CAMTA1: variants seen among roughly 807,000 people sequenced by gnomAD.
CAMTA1 encodes calmodulin-binding transcription activator 1.
Under a neutral mutation model 170.9 loss-of-function variants are expected in CAMTA1, and 27 were observed. That is an observed-to-expected ratio of 0.16 (90% CI 0.12 to 0.22). The LOEUF is 0.22. Among genes scored for constraint, CAMTA1 ranks in the 10% least tolerant of loss-of-function variants. CAMTA1 has a pLI of 1.00. For synonymous variants in CAMTA1, 833 were observed against 891.5 expected (o/e 0.93, Z 1.17); for missense variants, 1,619 against 2,217.2 (o/e 0.73, Z 5.42).
At chr1:6,940,972 G>A (rs1571902963) in intron 3 of CAMTA1, among the ~76,000 whole-genome samples, 2 of 2,960 alleles carry the variant, frequency 6.8e-4, no homozygotes, top group East Asian at 0.013. Context: ...CAAGGTGGGG[G>A]GATCCTTGCA....
intron 3 of CAMTA1, among the ~76,000 whole-genome samples, chr1:7,079,416 G>T (rs1006277987): frequency 2.0e-5 from 3 of 152,038 alleles, no homozygotes; most frequent in Non-Finnish European, 2.9e-5. Context: ...TAAATACAAA[G>T]AAACCACAGA....
chr1:7,240,511 C>T (rs1664669024), intron 4 of CAMTA1, among the ~76,000 whole-genome samples: 1 of 149,578 alleles, frequency 6.7e-6, no homozygotes, highest in East Asian at 1.9e-4. Context: ...CAAGTTGGTT[C>T]CAGAGTCTTT....
At chr1:7,125,299 C>T (rs1644867500) in intron 4 of CAMTA1, among the ~76,000 whole-genome samples, 1 of 152,152 alleles carries the variant, frequency 6.6e-6, no homozygotes, top group African/African-American at 2.4e-5. Flanking sequence ...TTCATTCATT[C>T]ATTCACTCAC....
intron 5 of CAMTA1, among the ~76,000 whole-genome samples, chr1:7,271,866 A>G (rs957521729): frequency 3.9e-5 from 6 of 152,192 alleles, no homozygotes; most frequent in African/African-American, 1.4e-4. Flanking sequence ...TAGATAACTT[A>G]GATGAACAAA....
chr1:6,802,771 G>C (rs1644028960), intron 1 of CAMTA1, among the ~76,000 whole-genome samples: 1 of 150,954 alleles, frequency 6.6e-6, no homozygotes, highest in South Asian at 2.1e-4. Flanking sequence ...GTCTTATTCT[G>C]TCGCCCAGGC....
intron 6 of CAMTA1, among the ~76,000 whole-genome samples, chr1:7,622,239 G>A (rs1301497542): frequency 2.0e-5 from 3 of 152,208 alleles, no homozygotes. Context: ...TCCTCAGGTA[G>A]ATGGGAGGAT....
chr1:6,927,150 G>C (rs1326442564), intron 3 of CAMTA1, among the ~76,000 whole-genome samples: 1 of 151,336 alleles, frequency 6.6e-6, no homozygotes, highest in Non-Finnish European at 1.5e-5. Context: ...TCAGCCTCCC[G>C]AGTAGCTAGG....
At chr1:6,828,377 C>T (rs1243864051) in intron 3 of CAMTA1, among the ~76,000 whole-genome samples, 6 of 148,526 alleles carry the variant, frequency 4.0e-5, no homozygotes, top group East Asian at 2.0e-4. Context: ...CTGCAACCTC[C>T]GCCTCCCGGG....
rs2149098079 is a variant in CAMTA1 at position 7,216,141 on chromosome 1, A to G, written c.303-33350A>G. On this transcript the variant is annotated intron_variant, in intron 4 of 22. Transcript: ENST00000303635. This position sits in a 1 kb window ranked among gnomAD's most constrained non-coding sequence, Gnocchi z 4.0. Reference sequence around the variant, plus strand: ...AAGCCCGCGTGTCCTGCGTGGCTGGAGCAGGAGGAAGAGGGTGAAGGGGGA... The same window carrying G: ...AAGCCCGCGTGTCCTGCGTGGCTGGGGCAGGAGGAAGAGGGTGAAGGGGGA... Among the ~76,000 whole-genome samples the G allele has an allele frequency of 6.6e-6, 1 of 152,272 alleles. No individual in the cohort carries two copies. The highest frequency in any genetic ancestry group is 1.5e-5 in the Non-Finnish European group (1 of 68,002).
At chr1:7,546,469 T>C (rs2094694729) in intron 6 of CAMTA1, among the ~76,000 whole-genome samples, 1 of 152,234 alleles carries the variant, frequency 6.6e-6, no homozygotes, top group Non-Finnish European at 1.5e-5. Context: ...AACATACACA[T>C]GCATGTATCT....
At chr1:6,947,345 G>A (rs139446863) in intron 3 of CAMTA1, among the ~76,000 whole-genome samples, 1 of 152,114 alleles carries the variant, frequency 6.6e-6, no homozygotes, top group Non-Finnish European at 1.5e-5. Flanking sequence ...GGAAAACATG[G>A]GGTGTGTTTC....
intron 3 of CAMTA1, among the ~76,000 whole-genome samples, chr1:7,077,371 C>T (rs1021103289): frequency 3.9e-5 from 6 of 151,950 alleles, no homozygotes; most frequent in Non-Finnish European, 5.9e-5. Context: ...TTTTGTAACT[C>T]GTGGAAAGTG....
At chr1:7,116,029 T>C (rs751449460) in intron 4 of CAMTA1, among the ~76,000 whole-genome samples, 1 of 152,190 alleles carries the variant, frequency 6.6e-6, no homozygotes, top group Non-Finnish European at 1.5e-5. Flanking sequence ...CCCAGTTAGA[T>C]TGACACATAA....
chr1:7,000,979 C>T lies in CAMTA1; in HGVS notation c.235-90325C>T, dbSNP rs115956609. Among the ~76,000 whole-genome samples the T allele has an allele frequency of 6.3e-3, 957 of 152,264 alleles. 6 individuals are homozygous for T. Among genetic ancestry groups the T allele is most frequent in the African/African-American group, 0.021 (891 of 41,540 alleles). On this transcript the variant is annotated intron_variant, in intron 3 of 22. Coordinates refer to ENST00000303635, the MANE Select transcript of CAMTA1 (RefSeq NM_015215.4). ...TCATTTAAGAAACCCAGTTCCCACA[C>T]CGATAGGAAAAACCCTACCCTTTCT...
At chr1:7,715,463 C>T (rs2096602532) in intron 11 of CAMTA1, among the ~76,000 whole-genome samples, 1 of 148,394 alleles carries the variant, frequency 6.7e-6, no homozygotes, top group Non-Finnish European at 1.5e-5. Flanking sequence ...GGCACGGTCT[C>T]TCTCTCTGAG....
chr1:7,103,559 A>ATGTACACAC (rs1643063013), intron 4 of CAMTA1, among the ~76,000 whole-genome samples: 4 of 29,770 alleles, frequency 1.3e-4, no homozygotes, highest in South Asian at 6.3e-4. Context: ...CACTACACAC[A>ATGTACACAC]TACACACAAC....
At chr1:7,670,479 T>G (rs2096049742) in intron 9 of CAMTA1, among the ~76,000 whole-genome samples, 2 of 152,160 alleles carry the variant, frequency 1.3e-5, no homozygotes, top group Admixed American at 1.3e-4. Flanking sequence ...AGGCCTGTTT[T>G]CAAAACTTGG....
chr1:7,131,688 A>G (rs1258925779), intron 4 of CAMTA1, among the ~76,000 whole-genome samples: 2 of 151,966 alleles, frequency 1.3e-5, no homozygotes, highest in South Asian at 2.1e-4. Context: ...ATTTTTCCGT[A>G]TGTCTCTACT....
intron 6 of CAMTA1, among the ~76,000 whole-genome samples, chr1:7,535,914 C>G (rs963085856): frequency 6.6e-6 from 1 of 152,216 alleles, no homozygotes; most frequent in Non-Finnish European, 1.5e-5. Flanking sequence ...GAGCTCCGGT[C>G]TTTTTGCTGT....
Sources: gnomAD v4.1 joint callset for allele counts (sites outside exome capture counted in the v4.1 genomes callset) on GRCh38, gnomAD v4.1.1 for gene constraint, Gnocchi (gnomAD v3.1) non-coding constraint, MANE v1.5 for transcripts, NCBI Gene and HGNC (gene_info 2026-07-23, HGNC 2026-07-21) for gene names.